The following PLCB1 variants were observed in gnomAD, a reference collection of about 807,000 sequenced individuals.
PLCB1 encodes the protein phospholipase C beta 1.
Under a neutral mutation model 161.8 loss-of-function variants are expected in PLCB1, and 46 were observed. That is an observed-to-expected ratio of 0.28 (90% CI 0.22 to 0.36). PLCB1 has a LOEUF of 0.36. PLCB1 is among the 10% of genes least tolerant of loss of function. The pLI is 1.00. For missense variants in PLCB1, 1,016 were observed against 1,472.5 expected (o/e 0.69, Z 5.07); for synonymous variants, 517 against 503.7 (o/e 1.03, Z -0.35).
At chr20:8,429,432 C>G (rs1979935864) in intron 3 of PLCB1, among the ~76,000 whole-genome samples, 1 of 149,492 alleles carries the variant, frequency 6.7e-6, no homozygotes, top group Admixed American at 6.6e-5. Flanking sequence ...AGGTTGTGAC[C>G]TATTTGTGGG....
At chr20:8,836,578 G>A (rs1434755973) in intron 31 of PLCB1, among the ~76,000 whole-genome samples, 1 of 130,452 alleles carries the variant, frequency 7.7e-6, no homozygotes, top group Non-Finnish European at 1.7e-5. Context: ...TAGGTTTAAC[G>A]ATGCTAATAA....
chr20:8,648,698 G>C (rs1454403165), intron 6 of PLCB1, among the ~76,000 whole-genome samples: 1 of 152,184 alleles, frequency 6.6e-6, no homozygotes, highest in Non-Finnish European at 1.5e-5. Context: ...CCAGCACTTT[G>C]AAAGGCCAAG....
At chr20:8,877,847 A>G (rs1268904153) in intron 31 of PLCB1, among the ~76,000 whole-genome samples, 2 of 152,228 alleles carry the variant, frequency 1.3e-5, no homozygotes, top group Non-Finnish European at 2.9e-5. Flanking sequence ...ATGGCACTTA[A>G]TATGTCATGA....
chr20:8,274,924 C>T (rs1982457306), intron 2 of PLCB1, among the ~76,000 whole-genome samples: 1 of 152,054 alleles, frequency 6.6e-6, no homozygotes, highest in African/African-American at 2.4e-5. Context: ...AAAGTCTTCT[C>T]TTTATTTTCC....
intron 2 of PLCB1, among the ~76,000 whole-genome samples, chr20:8,201,263 C>A (rs2052088623): frequency 6.6e-6 from 1 of 152,030 alleles, no homozygotes; most frequent in Admixed American, 6.6e-5. Context: ...GGACCCCCCT[C>A]CAGCAATAGT....
intron 2 of PLCB1, among the ~76,000 whole-genome samples, chr20:8,291,304 G>T (rs1333537040): frequency 1.3e-5 from 2 of 152,058 alleles, no homozygotes; most frequent in African/African-American, 2.4e-5. Context: ...AGGCTTTCTT[G>T]CCACCTCCCA....
Position 8,774,582 on chromosome 20 carries a change from C to G in PLCB1, c.2974C>G (p.Gln992Glu), listed in dbSNP as rs1982852421. ...TGATCATGGTTCATCAACGATTGAG[C>G]AAGACCTCGCTGCTCTGGATGCTGA... ...SPDHGSSTIE[Q>E]DLAALDAEMT... Residue 992 changes from glutamine to glutamate, a missense_variant, in exon 27 of 32, where the codon CAA becomes GAA. Coordinates refer to ENST00000338037, the MANE Select transcript of PLCB1 (RefSeq NM_015192.4). 6.2e-7 allele frequency: 1 copy of G among 1,613,764 alleles called. No individual in the cohort carries two copies.
intron 3 of PLCB1, among the ~76,000 whole-genome samples, chr20:8,625,717 T>A (rs1988319393): frequency 6.6e-6 from 1 of 152,206 alleles, no homozygotes; most frequent in South Asian, 2.1e-4. Context: ...GAAACCTTTT[T>A]AAATTTTTTT....
intron 31 of PLCB1, among the ~76,000 whole-genome samples, chr20:8,826,116 G>C (rs1985683133): frequency 6.6e-6 from 1 of 152,176 alleles, no homozygotes; most frequent in South Asian, 2.1e-4. Context: ...CTTTGGAATT[G>C]AGAAGAGAAG....
intron 2 of PLCB1, among the ~76,000 whole-genome samples, chr20:8,365,889 T>TA (rs1986695996): frequency 6.6e-6 from 1 of 152,314 alleles, no homozygotes; most frequent in Admixed American, 6.5e-5. Flanking sequence ...ATTGGGTGAC[T>TA]AATGGAATTC....
At chr20:8,521,235 C>T (rs1356236398) in intron 3 of PLCB1, among the ~76,000 whole-genome samples, 1 of 151,810 alleles carries the variant, frequency 6.6e-6, no homozygotes, top group Non-Finnish European at 1.5e-5. Context: ...TTTATTAATT[C>T]AGTGAGGCCC....
chr20:8,808,809 G>A (rs1320675937), intron 31 of PLCB1, among the ~76,000 whole-genome samples: 2 of 152,152 alleles, frequency 1.3e-5, no homozygotes. Flanking sequence ...GTGAGCTGGA[G>A]CTTACTATCT....
intron 9 of PLCB1, among the ~76,000 whole-genome samples, chr20:8,673,826 A>T (rs1249570211): frequency 6.6e-6 from 1 of 152,216 alleles, no homozygotes; most frequent in African/African-American, 2.4e-5. Context: ...TTTACAAGCC[A>T]GGCACTGTTG....
intron 4 of PLCB1, among the ~76,000 whole-genome samples, chr20:8,632,738 C>T (rs1988638092): frequency 6.6e-6 from 1 of 152,108 alleles, no homozygotes; most frequent in African/African-American, 2.4e-5. Flanking sequence ...AAAAGATAGT[C>T]TGGTGTACTT....
intron 3 of PLCB1, among the ~76,000 whole-genome samples, chr20:8,612,070 C>A (rs1418584286): frequency 6.6e-6 from 1 of 152,078 alleles, no homozygotes; most frequent in Admixed American, 6.6e-5. Context: ...TCTCTGTGCT[C>A]CAAAAGCATT....
intron 27 of PLCB1, among the ~76,000 whole-genome samples, chr20:8,784,447 C>T (rs186471737): frequency 1.8e-3 from 272 of 152,022 alleles, no homozygotes; most frequent in African/African-American, 6.2e-3. Flanking sequence ...CCTGGAATCC[C>T]AGCTATTCGG....
intron 3 of PLCB1, among the ~76,000 whole-genome samples, chr20:8,437,318 G>A (rs1980357974): frequency 6.6e-6 from 1 of 152,206 alleles, no homozygotes; most frequent in Non-Finnish European, 1.5e-5. Context: ...ATTTGGGCTA[G>A]AAGGAGAATA....
intron 3 of PLCB1, among the ~76,000 whole-genome samples, chr20:8,516,627 C>T (rs1227790529): frequency 7.4e-6 from 1 of 134,630 alleles, no homozygotes; most frequent in African/African-American, 2.7e-5. Context: ...TGCATGGTTT[C>T]TTTTAGAATC....
chr20:8,538,273 A>G (rs2122943274), intron 3 of PLCB1, among the ~76,000 whole-genome samples: 1 of 152,370 alleles, frequency 6.6e-6, no homozygotes, highest in South Asian at 2.1e-4. Flanking sequence ...TTCACTTATT[A>G]GAAGCATGTC....
Sources: gnomAD v4.1 joint callset for allele counts (sites outside exome capture counted in the v4.1 genomes callset) on GRCh38, gnomAD v4.1.1 for gene constraint, MANE v1.5 for transcripts, NCBI Gene and HGNC (gene_info 2026-07-23, HGNC 2026-07-21) for gene names.